The following SEZ6L variants were observed in gnomAD, a reference collection of about 807,000 sequenced individuals.
SEZ6L encodes seizure related 6 homolog like, also known as seizure 6-like protein.
SEZ6L carries 37 observed loss-of-function variants against 106.2 expected under a neutral mutation model. The observed-to-expected ratio is 0.35, with a 90% confidence interval of 0.27 to 0.46. The LOEUF (loss-of-function observed/expected upper bound fraction) is 0.46, where lower values mean the gene tolerates loss of function less well. SEZ6L is among the 20% of genes least tolerant of loss of function. The pLI is 1.00. For missense variants in SEZ6L, 1,172 were observed against 1,332.8 expected, an observed-to-expected ratio of 0.88 and a Z score of 1.88; for synonymous variants, 541 against 570.4, an observed-to-expected ratio of 0.95 and a Z score of 0.73.
At chr22:26,349,893 T>C (rs2083215487) in intron 11 of SEZ6L, among the ~76,000 whole-genome samples, 1 of 152,200 alleles carries the variant, frequency 6.6e-6, no homozygotes, top group Admixed American at 6.5e-5. Flanking sequence ...AATTGGTTTA[T>C]TGTTTTCCTT....
intron 10 of SEZ6L, among the ~76,000 whole-genome samples, chr22:26,341,674 C>CCCA (rs974289977): frequency 6.6e-6 from 1 of 152,132 alleles, no homozygotes; most frequent in Non-Finnish European, 1.5e-5. Context: ...TCTTTTCCTA[C>CCCA]CCACCACCAC....
intron 1 of SEZ6L, among the ~76,000 whole-genome samples, chr22:26,283,744 C>T (rs755647189): frequency 2.6e-5 from 4 of 151,894 alleles, no homozygotes; most frequent in African/African-American, 7.3e-5. Context: ...ACATAATAAA[C>T]GAGAATGCTA....
Position 26,292,801 on chromosome 22 carries a change from C to G in SEZ6L, c.490C>G (p.Pro164Ala), listed in dbSNP as rs1337757660. The change falls in exon 2 of 17, where the codon CCT becomes GCT. Residue 164 changes from proline to alanine, a missense_variant. This residue lies in a region of SEZ6L where 494 missense variants were observed against 445.8 expected (regional missense o/e 1.11). Transcript: ENST00000248933. ...TCTCCTCTCCTCCTCCACGGAGAAGCCTGGCCCACCGGGGGACCCGGACCC... is the reference window on the plus strand; with the variant it reads ...TCTCCTCTCCTCCTCCACGGAGAAGGCTGGCCCACCGGGGGACCCGGACCC... ...LDLLSSSTEK[P>A]GPPGDPDPIV... 6.2e-6 allele frequency: 10 copies of G among 1,614,044 alleles called. No individual in the cohort carries two copies. Among genetic ancestry groups the G allele is most frequent in the Non-Finnish European group, 8.5e-6 (10 of 1,179,908 alleles).
Position 26,282,322 on chromosome 22 carries a change from T to A in SEZ6L, c.95-10084T>A, listed in dbSNP as rs114179837. Among the ~76,000 whole-genome samples, 260 of 152,342 alleles carry A rather than the reference T, an allele frequency of 1.7e-3. 3 individuals carry two copies. The highest frequency in any genetic ancestry group is 6.1e-3 in the African/African-American group (253 of 41,570). On this transcript the variant is annotated intron_variant, in intron 1 of 16. Coordinates refer to ENST00000248933, the MANE Select transcript of SEZ6L (RefSeq NM_021115.5). ...TTGCTACTATAAACAATGCTTTGTA[T>A]TGTGAACACTTTGCAACACCCTAGT...
In SEZ6L at chr22:26,344,881, A is replaced by G. The variant is rs145460185; in HGVS notation, c.2213-2838A>G. Reference sequence around the variant, plus strand: ...ATGAGGCTTAGAGCAGTTAATTGGCATGACTGGAATCACACCATTTATTTA... The same window carrying G: ...ATGAGGCTTAGAGCAGTTAATTGGCGTGACTGGAATCACACCATTTATTTA... On this transcript the variant is annotated intron_variant, in intron 10 of 16. Transcript: ENST00000248933. 8.1e-3 allele frequency among the ~76,000 whole-genome samples: 1,233 copies of G among 152,348 alleles called. 14 individuals are homozygous for G. Among genetic ancestry groups the G allele is most frequent in the Non-Finnish European group, 9.1e-3 (616 of 68,034 alleles).
chr22:26,333,412 G>A (rs2082549513), intron 9 of SEZ6L, among the ~76,000 whole-genome samples: 1 of 149,638 alleles, frequency 6.7e-6, no homozygotes, highest in Admixed American at 6.6e-5. Context: ...TGATACCAAA[G>A]TTTTCAACTT....
chr22:26,268,623 G>C (rs76688646), intron 1 of SEZ6L, among the ~76,000 whole-genome samples: 1 of 152,078 alleles, frequency 6.6e-6, no homozygotes, highest in East Asian at 1.9e-4. Context: ...CATAGGCCAG[G>C]GTCTCTCCAT....
At chr22:26,224,835 C>G (rs1019637109) in intron 1 of SEZ6L, among the ~76,000 whole-genome samples, 7 of 152,114 alleles carry the variant, frequency 4.6e-5, no homozygotes, top group African/African-American at 1.7e-4. Flanking sequence ...GCTATTGCCA[C>G]GATAATGCTG....
chr22:26,292,505 G>C lies in SEZ6L; in HGVS notation c.194G>C (p.Arg65Thr). 6.2e-7 allele frequency: 1 copy of C among 1,613,986 alleles called. No homozygotes were observed. Among genetic ancestry groups the C allele is most frequent in the Non-Finnish European group, 8.5e-7 (1 of 1,179,936 alleles). ...GSPGKEHPEE[R>T]VVTAPPSSSQ... ...CCTGGCAAAGAGCACCCTGAAGAGA[G>C]AGTGGTAACAGCGCCCCCCAGTTCC... Residue 65 changes from arginine to threonine, a missense_variant, in exon 2 of 17, where the codon AGA becomes ACA. Arg to Thr is a moderately conservative substitution (Grantham distance 71). Transcript: ENST00000248933.
At chr22:26,354,734 C>A (rs1378880705) in intron 12 of SEZ6L, among the ~76,000 whole-genome samples, 6 of 152,214 alleles carry the variant, frequency 3.9e-5, no homozygotes, top group Non-Finnish European at 8.8e-5. Flanking sequence ...CTCTGAGCTG[C>A]GGCAGCTGCT....
chr22:26,338,086 T>C (rs1209168227), intron 9 of SEZ6L, among the ~76,000 whole-genome samples: 2 of 152,194 alleles, frequency 1.3e-5, no homozygotes, highest in African/African-American at 4.8e-5. Context: ...AGGGCCACTG[T>C]CAGTCTGCAT....
chr22:26,348,884 G>C (rs1446026934), intron 11 of SEZ6L, among the ~76,000 whole-genome samples: 2 of 79,554 alleles, frequency 2.5e-5, no homozygotes, highest in African/African-American at 1.0e-4. Context: ...GGGAGTGAAG[G>C]GGAGGGAGGG....
At chr22:26,178,800 G>C (rs1019003410) in intron 1 of SEZ6L, among the ~76,000 whole-genome samples, 15 of 152,196 alleles carry the variant, frequency 9.9e-5, no homozygotes, top group African/African-American at 3.6e-4. Context: ...TTAACTCTGA[G>C]ATGATGGGAG....
chr22:26,196,449 A>C (rs563032403), intron 1 of SEZ6L, among the ~76,000 whole-genome samples: 1 of 152,218 alleles, frequency 6.6e-6, no homozygotes, highest in East Asian at 1.9e-4. Context: ...ACTAAGGCCA[A>C]TGTAGCTGGA....
intron 1 of SEZ6L, among the ~76,000 whole-genome samples, chr22:26,266,001 A>G (rs2080164209): frequency 6.6e-6 from 1 of 152,158 alleles, no homozygotes; most frequent in African/African-American, 2.4e-5. Flanking sequence ...AAGGCTCTCC[A>G]CCTGATCACT....
chr22:26,222,066 C>T (rs1381100383), intron 1 of SEZ6L, among the ~76,000 whole-genome samples: 6 of 152,176 alleles, frequency 3.9e-5, no homozygotes, highest in Non-Finnish European at 8.8e-5. Context: ...GTACTCCCTC[C>T]ACATAATCGC....
At chr22:26,239,542 C>T (rs574368016) in intron 1 of SEZ6L, among the ~76,000 whole-genome samples, 2 of 152,292 alleles carry the variant, frequency 1.3e-5, no homozygotes, top group Non-Finnish European at 2.9e-5. Context: ...AAATCCAAGC[C>T]TCCAGTACTC....
chr22:26,229,881 G>A (rs1345388511), intron 1 of SEZ6L, among the ~76,000 whole-genome samples: 2 of 152,226 alleles, frequency 1.3e-5, no homozygotes, highest in Non-Finnish European at 2.9e-5. Context: ...GCTCTGCCAG[G>A]AAAGGCAAGT....
intron 5 of SEZ6L, among the ~76,000 whole-genome samples, chr22:26,304,369 G>GAAA (rs1556332058): frequency 4.1e-5 from 4 of 98,304 alleles, no homozygotes; most frequent in Non-Finnish European, 7.7e-5. Flanking sequence ...AAAAAAGAAA[G>GAAA]AAGAAAGAAA....
Sources: allele counts gnomAD v4.1 joint callset (sites outside exome capture counted in the v4.1 genomes callset), GRCh38; gene constraint gnomAD v4.1.1; regional missense constraint gnomAD v4.1.1; transcripts MANE v1.5; gene names NCBI Gene and HGNC (gene_info 2026-07-23, HGNC 2026-07-21).